The following TTN variants were observed in gnomAD, a reference collection of about 807,000 sequenced individuals.
TTN encodes titin, also known as connectin.
A neutral mutation model predicts 3,223.0 loss-of-function variants in TTN; 1,525 were observed. The ratio of observed to expected loss-of-function variants is 0.47; its 90% confidence interval spans 0.45 to 0.49. TTN has a LOEUF of 0.49. TTN is among the 20% of genes least tolerant of loss of function. The pLI is 0.00. For synonymous variants in TTN, 14,094 were observed against 15,161.0 expected (o/e 0.93, Z 5.17); for missense variants, 40,786 against 43,424.0 (o/e 0.94, Z 5.40).
Position 178,651,656 on chromosome 2 carries a change from T to G in TTN, c.39463+10A>C, listed in dbSNP as rs1161477164. Reference sequence around the variant, plus strand: ...TTTTTTGTTAGGGAGTTAGTGGCAGTGAGGAATACCTTTCACTGGTGGTAG... The same window carrying G: ...TTTTTTGTTAGGGAGTTAGTGGCAGGGAGGAATACCTTTCACTGGTGGTAG... On this transcript the variant is annotated intron_variant, in intron 206 of 362. Transcript: ENST00000589042. 3.7e-6 allele frequency: 6 copies of G among 1,613,068 alleles called. No individual in the cohort carries two copies. Among genetic ancestry groups the G allele is most frequent in the Non-Finnish European group, 5.1e-6 (6 of 1,179,494 alleles).
chr2:178,667,627 G>A lies in TTN; in HGVS notation c.35629+11C>T. Reference sequence around the variant, plus strand: ...AATTTTTCTTCAGAGTGGATCATTGGTGTTATATACCTTTTGCTAGTTTGG... The same window carrying A: ...AATTTTTCTTCAGAGTGGATCATTGATGTTATATACCTTTTGCTAGTTTGG... On this transcript the variant is annotated intron_variant, in intron 160 of 362. Transcript: ENST00000589042. 6.3e-7 allele frequency: 1 copy of A among 1,591,284 alleles called. No homozygotes were observed. Among genetic ancestry groups the A allele is most frequent in the Non-Finnish European group, 8.5e-7 (1 of 1,175,860 alleles).
chr2:178,701,331 A>C, intron 110 of TTN, 128 bp from the exon 111 acceptor site: 1 of 1,036,046 alleles, frequency 9.7e-7, no homozygotes, highest in Non-Finnish European at 1.4e-6. Context: ...AGTCGGAACA[A>C]ATAAAAGTAG....
intron 49 of TTN, among the ~76,000 whole-genome samples, chr2:178,736,847 G>A (rs1311550755): frequency 6.6e-6 from 1 of 152,140 alleles, no homozygotes; most frequent in Non-Finnish European, 1.5e-5. Flanking sequence ...GTCATCATGG[G>A]CCTGGGTTTT....
chr2:178,701,912 C>A, intron 109 of TTN, 128 bp downstream of exon 109: 1 of 983,794 alleles, frequency 1.0e-6, no homozygotes, highest in Non-Finnish European at 1.5e-6. Context: ...TACTGCATAA[C>A]AGTTTTATTG....
At position 178,534,640 on chromosome 2, in the gene TTN, A is replaced by T; in HGVS notation, c.101975T>A (p.Val33992Asp). 6.2e-7 allele frequency: 1 copy of T among 1,613,700 alleles called. No individual in the cohort carries two copies. Among genetic ancestry groups the T allele is most frequent in the Non-Finnish European group, 8.5e-7 (1 of 1,179,628 alleles). The change falls in exon 358 of 363, where the codon GTC (valine) becomes GAC (aspartate). Residue 33992 changes from valine to aspartate, a missense_variant. Physicochemically the swap from Val to Asp is radical, Grantham distance 152. Coordinates refer to ENST00000589042, the MANE Select transcript of TTN (RefSeq NM_001267550.2). ...YAPEVHQHDV[V>D]STATDMWSLG... Reference sequence around the variant, plus strand: ...TGACCACATGTCTGTGGCTGTGCTGACAACATCATGCTGGTGGACTTCAGG... The same window carrying T: ...TGACCACATGTCTGTGGCTGTGCTGTCAACATCATGCTGGTGGACTTCAGG...
chr2:178,712,740 A>G lies in TTN; in HGVS notation c.27285T>C (p.Asn9095=), dbSNP rs372827810. ...QSGEYTCIVS[N]EAGKASCTTH... Reference sequence around the variant, plus strand: ...TTGTACAAGAAGCCTTGCCAGCTTCATTGCTAACTATGCAAGTATATTCTC... The same window carrying G: ...TTGTACAAGAAGCCTTGCCAGCTTCGTTGCTAACTATGCAAGTATATTCTC... Residue 9095 remains asparagine, a synonymous_variant, in exon 94 of 363, where the codon AAT becomes AAC. Transcript: ENST00000589042. The G allele has an allele frequency of 4.1e-5, 66 of 1,613,708 alleles. No individual in the cohort carries two copies. Among genetic ancestry groups the G allele is most frequent in the Non-Finnish European group, 5.3e-5 (63 of 1,179,770 alleles).
rs764035021 is a variant in TTN at position 178,724,376 on chromosome 2, T to C, written c.20999A>G (p.Asn7000Ser). ...SSQKHKFSFYNKISSLRILSV... is the reference protein window; with the variant it reads ...SSQKHKFSFYSKISSLRILSV... ...GAGAATCCTTAAGGAAGAGATTTTGTTGTAGAAGCTAAATTTGTGTTTTTG... is the reference window on the plus strand; with the variant it reads ...GAGAATCCTTAAGGAAGAGATTTTGCTGTAGAAGCTAAATTTGTGTTTTTG... Residue 7000 changes from asparagine (N) to serine (S), a missense_variant, in exon 72 of 363, where the codon AAC becomes AGC. Transcript: ENST00000589042. 99 of 1,613,430 alleles carry C rather than the reference T, an allele frequency of 6.1e-5. No homozygotes were observed. In the South Asian group the frequency reaches 9.6e-4, roughly 16 times the overall value.
Position 178,544,084 on chromosome 2 carries a change from T to C in TTN, c.96060A>G (p.Leu32020=), listed in dbSNP as rs1172164559. Residue 32020 remains leucine (L), a synonymous_variant, in exon 346 of 363, where the codon CTA becomes CTG. Coordinates refer to ENST00000589042, the MANE Select transcript of TTN (RefSeq NM_001267550.2). ...CAGCCCTGATGGTCACAGTCTTCTT[T>C]AGATCATCTGCAAGCTCAAGATCTG... ...EIPDLELADD[L]KKTVTIRAGA... The C allele has an allele frequency of 1.2e-6, 2 of 1,610,930 alleles. No homozygotes were observed. The highest frequency in any genetic ancestry group is 3.3e-5 in the Admixed American group (2 of 59,862).
rs375190050 is a variant in TTN, at chr2:178,549,663, C to T, written c.92059G>A (p.Gly30687Ser). The change falls in exon 338 of 363, where the codon GGC becomes AGC. Residue 30687 changes from glycine to serine, a missense_variant. Transcript: ENST00000589042. Reference protein sequence around the residue: ...QSYTAIKLINGNEYQFRVSAV... With the variant: ...QSYTAIKLINSNEYQFRVSAV... ...GAAACACGGAATTGGTATTCATTGC[C>T]GTTTATTAGTTTAATGGCAGTGTAA... 48 of 1,613,634 alleles carry T rather than the reference C, an allele frequency of 3.0e-5. No homozygotes were observed. The highest frequency in any genetic ancestry group is 4.0e-5 in the African/African-American group (3 of 74,898).
Position 178,552,796 on chromosome 2 carries a change from CGTATAGGAGCTG to C in TTN, c.90092_90103del (p.Pro30031_Ile30034del). 1 of 1,613,860 alleles carries C rather than the reference CGTATAGGAGCTG, an allele frequency of 6.2e-7. No individual in the cohort carries two copies. The highest frequency in any genetic ancestry group is 8.5e-7 in the Non-Finnish European group (1 of 1,179,822). Reference sequence around the variant, plus strand: ...TGTTGAGTCTTTCATTGAGAGATCACGTATAGGAGCTGGTACTTCAGCAGCCTTCACTGGCTC... The same window carrying C: ...TGTTGAGTCTTTCATTGAGAGATCACGTACTTCAGCAGCCTTCACTGGCTC... On this transcript the variant is annotated inframe_deletion, in exon 335 of 363. Coordinates refer to ENST00000589042, the MANE Select transcript of TTN (RefSeq NM_001267550.2).
rs781458602 is a variant in TTN at position 178,557,958 on chromosome 2, A to G, written c.87396T>C (p.Ile29132=). The change falls in exon 328 of 363, where the codon ATT becomes ATC. Residue 29132 remains isoleucine, a synonymous_variant. Transcript: ENST00000589042. Reference sequence around the variant, plus strand: ...GAGGACCAGGCCTGTCTAGCACAACAATGTTAATGAAAGCTTTGGTTGTAC... The same window carrying G: ...GAGGACCAGGCCTGTCTAGCACAACGATGTTAATGAAAGCTTTGGTTGTAC... ...SSGTTKAFIN[I]VVLDRPGPPT... is the part of the protein sequence containing the mutation. The G allele has an allele frequency of 6.2e-7, 1 of 1,613,358 alleles. No homozygotes were observed. The highest frequency in any genetic ancestry group is 8.5e-7 in the Non-Finnish European group (1 of 1,179,860).
At chr2:178,558,735 G>A in intron 326 of TTN, 98 bp from the exon 327 acceptor site, 2 of 1,289,500 alleles carry the variant, frequency 1.6e-6, no homozygotes, top group South Asian at 1.4e-5. Flanking sequence ...TTAAATGAAG[G>A]CCATATTTTT....
intron 47 of TTN, chr2:178,745,595 G>C: frequency 6.2e-7 from 1 of 1,612,500 alleles, no homozygotes; most frequent in Non-Finnish European, 8.5e-7. Context: ...TTAAGTTAAG[G>C]TGAGTGCTGC....
In TTN at chr2:178,664,693, C is replaced by G; in HGVS notation, c.36163G>C (p.Val12055Leu). The G allele has an allele frequency of 6.2e-7, 1 of 1,612,528 alleles. No individual in the cohort carries two copies. Among genetic ancestry groups the G allele is most frequent in the Non-Finnish European group, 8.5e-7 (1 of 1,179,708 alleles). ...ACTTCAGGCTTTCTGAGAGGAACCA[C>G]AAGCGTTTTCTTTTCAGGGACAATT... The part of the protein sequence containing the change: ...QEIVPEKKTL[V>L]VPLRKPEVLP... Residue 12055 changes from valine to leucine, a missense_variant, in exon 167 of 363, where the codon GTG (valine) becomes CTG (leucine). Val to Leu is a conservative substitution (Grantham distance 32). Transcript: ENST00000589042.
Position 178,731,430 on chromosome 2 carries a change from G to A in TTN, c.17336C>T (p.Thr5779Ile), listed in dbSNP as rs1407417738. The A allele has an allele frequency of 3.1e-6, 5 of 1,613,712 alleles. No homozygotes were observed. Among genetic ancestry groups the A allele is most frequent in the South Asian group, 1.1e-5 (1 of 91,066 alleles). Residue 5779 changes from threonine (T) to isoleucine (I), a missense_variant, in exon 59 of 363, where the codon ACC becomes ATC. Coordinates refer to ENST00000589042, the MANE Select transcript of TTN (RefSeq NM_001267550.2). ...EITEDDNIRMTFENNVASLYL... is the reference protein window; with the variant it reads ...EITEDDNIRMIFENNVASLYL... ...CAAACTGGCCACATTGTTCTCAAAG[G>A]TCATTCTTATATTATCGTCTTCAGT...
chr2:178,611,583 A>T lies in TTN; in HGVS notation c.50646T>A (p.Ser16882Arg). The T allele has an allele frequency of 6.2e-7, 1 of 1,613,032 alleles. No homozygotes were observed. The highest frequency in any genetic ancestry group is 8.5e-7 in the Non-Finnish European group (1 of 1,179,322). Residue 16882 changes from serine to arginine, a missense_variant, in exon 269 of 363, where the codon AGT (serine) becomes AGA (arginine). Transcript: ENST00000589042. The part of the protein sequence containing the change: ...AWKPPEKNGG[S>R]PIIGYHVEMC... ...TTTCAACATGGTATCCTATGATAGG[A>T]CTTCCACCATTTTTCTCTGGAGGCT...
intron 146 of TTN, 141 bp from the exon 147 acceptor site, chr2:178,677,428 G>T: frequency 1.5e-6 from 1 of 654,450 alleles, no homozygotes; most frequent in Non-Finnish European, 2.2e-6. Flanking sequence ...AAGACATTTA[G>T]ATAATTTACA....
rs2078807925 is a variant in TTN at position 178,723,573 on chromosome 2, T to C, written c.21527A>G (p.Glu7176Gly). ...GTTGCACCGGTCTCCTTTCACTAGT[T>C]CTCTGGCACCTCTGAACCAGTTGAC... Reference protein sequence around the residue: ...FKVNWFRGARELVKGDRCNIY... With the variant: ...FKVNWFRGARGLVKGDRCNIY... Residue 7176 changes from glutamate (E) to glycine (G), a missense_variant, in exon 74 of 363, where the codon GAA becomes GGA. Coordinates refer to ENST00000589042, the MANE Select transcript of TTN (RefSeq NM_001267550.2). 1.2e-6 allele frequency: 2 copies of C among 1,613,450 alleles called. No individual in the cohort carries two copies. Among genetic ancestry groups the C allele is most frequent in the Non-Finnish European group, 1.7e-6 (2 of 1,179,594 alleles).
chr2:178,572,764 A>G lies in TTN; in HGVS notation c.73368T>C (p.Pro24456=), dbSNP rs373361363. The change falls in exon 326 of 363, where the codon CCT becomes CCC. Residue 24456 remains proline (P), a synonymous_variant. Transcript: ENST00000589042. The stretch of plus-strand genomic sequence containing the variant: ...CCCGGGCCCACTTCACCTCAGGTGC[A>G]GGCCTTCCTTTGATGGGAACAAAAA... The part of the protein sequence containing the change: ...LRLFVPIKGR[P]APEVKWARDH... The G allele has an allele frequency of 2.4e-5, 39 of 1,613,376 alleles. No individual in the cohort carries two copies. Among genetic ancestry groups the G allele is most frequent in the Middle Eastern group, 1.6e-4 (1 of 6,076 alleles).
Sources: allele counts gnomAD v4.1 joint callset (sites outside exome capture counted in the v4.1 genomes callset), GRCh38; gene constraint gnomAD v4.1.1; transcripts MANE v1.5; gene names NCBI Gene and HGNC (gene_info 2026-07-23, HGNC 2026-07-21).